The following ATE1 variants were observed in gnomAD, a reference collection of about 807,000 sequenced individuals.
ATE1 encodes the protein arginyl-tRNA--protein transferase 1.
ATE1 carries 36 observed loss-of-function variants against 70.5 expected under a neutral mutation model. The ratio of observed to expected loss-of-function variants is 0.51; its 90% confidence interval spans 0.39 to 0.67. ATE1 has a LOEUF of 0.67. Among genes scored for constraint, ATE1 ranks in the 30% least tolerant of loss-of-function variants. ATE1 has a pLI of 0.00. For synonymous variants in ATE1, 232 were observed against 219.3 expected (o/e 1.06, Z -0.51); for missense variants, 593 against 629.5 (o/e 0.94, Z 0.62).
intron 10 of ATE1, among the ~76,000 whole-genome samples, chr10:121,835,425 C>T (rs1264076218): frequency 7.2e-6 from 1 of 138,330 alleles, no homozygotes; most frequent in Admixed American, 8.4e-5. Context: ...TAATCATCCC[C>T]AAATGTAATT....
At chr10:121,761,023 C>A (rs1406467271) in intron 11 of ATE1, among the ~76,000 whole-genome samples, 1 of 152,122 alleles carries the variant, frequency 6.6e-6, no homozygotes, top group Non-Finnish European at 1.5e-5. Flanking sequence ...GCAGGGGAGG[C>A]GAGTTCTCAT....
rs370346982 is a variant in ATE1, at chr10:121,760,840, C to G, written c.1379-16982G>C. 2.6e-5 allele frequency among the ~76,000 whole-genome samples: 4 copies of G among 152,200 alleles called. No individual in the cohort carries two copies. The East Asian group carries it at 7.7e-4, about 29-fold the overall frequency. ...AATGGAAGAGTTAACTGATGCAGTA[C>G]AGTTCTTTGTTGTCTTATTTTAAGA... On this transcript the variant is annotated intron_variant, in intron 11 of 11. Transcript: ENST00000224652.
At chr10:121,792,253 G>A (rs1344984446) in intron 10 of ATE1, among the ~76,000 whole-genome samples, 2 of 152,190 alleles carry the variant, frequency 1.3e-5, no homozygotes, top group African/African-American at 2.4e-5. Context: ...AACAGGAAAT[G>A]GCAGGGCACC....
chr10:121,772,806 C>T (rs1909005), intron 11 of ATE1, among the ~76,000 whole-genome samples: 143,772 of 152,308 alleles, frequency 0.94, 68,083 homozygotes, highest in Non-Finnish European at 0.98. Flanking sequence ...AATTGCTTTG[C>T]CGCTATTTAA....
At chr10:121,773,628 CT>C (rs57993740) in intron 11 of ATE1, among the ~76,000 whole-genome samples, 14,201 of 151,484 alleles carry the variant, frequency 0.094, 815 homozygotes, top group South Asian at 0.18. Flanking sequence ...CATCCAGGGA[CT>C]TTTTTTTTAA....
rs1016165550 is a variant in ATE1 at position 121,741,494 on chromosome 10, AG to A, written c.*2185del. The A allele has an allele frequency of 9.9e-5, 15 of 152,224 alleles. No individual in the cohort carries two copies. Among genetic ancestry groups the A allele is most frequent in the Admixed American group, 6.5e-4 (10 of 15,290 alleles). 9.4% of individuals were successfully genotyped at this position (152,224 alleles called of 1,614,324 possible). ...ATTTTCCTCTGAAAATGAATTCTGCAGGAAGAAACCAGAGTTGTGGTAAGAT... is the reference window on the plus strand; with the variant it reads ...ATTTTCCTCTGAAAATGAATTCTGCAGAAGAAACCAGAGTTGTGGTAAGAT... On this transcript the variant is annotated 3_prime_UTR_variant, in exon 12 of 12. Coordinates refer to ENST00000224652, the MANE Select transcript of ATE1 (RefSeq NM_001001976.3).
chr10:121,858,338 C>T (rs921304497), intron 8 of ATE1, among the ~76,000 whole-genome samples: 2 of 151,940 alleles, frequency 1.3e-5, no homozygotes, highest in African/African-American at 2.4e-5. Context: ...CCAACAGTTA[C>T]CGTTTTCCAT....
At chr10:121,761,491 T>TG (rs1446341260) in intron 11 of ATE1, among the ~76,000 whole-genome samples, 1 of 152,178 alleles carries the variant, frequency 6.6e-6, no homozygotes, top group Admixed American at 6.5e-5. Context: ...ATAATGCTAT[T>TG]GTGCACTTAA....
At chr10:121,863,259 T>C (rs1949540081) in intron 8 of ATE1, among the ~76,000 whole-genome samples, 1 of 149,342 alleles carries the variant, frequency 6.7e-6, no homozygotes, top group Non-Finnish European at 1.5e-5. Context: ...CTACTTTTTT[T>C]TTTTTTTTTT....
intron 7 of ATE1, among the ~76,000 whole-genome samples, chr10:121,883,982 T>C (rs1950301065): frequency 6.6e-6 from 1 of 151,608 alleles, no homozygotes; most frequent in Non-Finnish European, 1.5e-5. Context: ...GGCGAGCACC[T>C]GTAATCCCAG....
chr10:121,773,450 C>T (rs10886979), intron 11 of ATE1, among the ~76,000 whole-genome samples: 38,306 of 152,076 alleles, frequency 0.25, 5,325 homozygotes, highest in Non-Finnish European at 0.32. Flanking sequence ...CATCTTGGGA[C>T]TCTCTCCTGT....
At chr10:121,799,439 A>C (rs1336082331) in intron 10 of ATE1, among the ~76,000 whole-genome samples, 1 of 149,054 alleles carries the variant, frequency 6.7e-6, no homozygotes, top group African/African-American at 2.4e-5. Flanking sequence ...GTTTAGGAAA[A>C]CAAAAAAAAA....
At chr10:121,911,270 C>A in intron 4 of ATE1, 119 bp from the exon 5 acceptor site, 1 of 1,231,238 alleles carries the variant, frequency 8.1e-7, no homozygotes, top group Admixed American at 2.5e-5. Context: ...TCCACCAAAT[C>A]CATTCTCATC....
intron 10 of ATE1, among the ~76,000 whole-genome samples, chr10:121,804,225 A>C (rs1337906902): frequency 6.6e-6 from 1 of 152,240 alleles, no homozygotes; most frequent in Non-Finnish European, 1.5e-5. Flanking sequence ...ATTGTGGAGA[A>C]AGTATTATGT....
At chr10:121,843,565 G>C (rs1258335646) in intron 8 of ATE1, among the ~76,000 whole-genome samples, 2 of 152,164 alleles carry the variant, frequency 1.3e-5, no homozygotes, top group Non-Finnish European at 2.9e-5. Flanking sequence ...AATCAAGATG[G>C]AGTGATATTG....
chr10:121,745,484 A>T (rs1944316859), intron 11 of ATE1, among the ~76,000 whole-genome samples: 1 of 152,114 alleles, frequency 6.6e-6, no homozygotes, highest in East Asian at 1.9e-4. Flanking sequence ...TGGGAGGCCA[A>T]GGTGGGCAAA....
chr10:121,892,498 AC>A (rs1950613047), intron 7 of ATE1, among the ~76,000 whole-genome samples: 1 of 130,984 alleles, frequency 7.6e-6, no homozygotes, highest in African/African-American at 2.8e-5. Flanking sequence ...CGGTGACAAA[AC>A]TTTTTTTTTT....
At chr10:121,757,606 A>C (rs1590219825) in intron 11 of ATE1, among the ~76,000 whole-genome samples, 1 of 152,378 alleles carries the variant, frequency 6.6e-6, no homozygotes, top group East Asian at 1.9e-4. Flanking sequence ...GTCACATCTT[A>C]CATGGATGAT....
chr10:121,916,790 G>A (rs761053912), intron 3 of ATE1, among the ~76,000 whole-genome samples: 3 of 151,066 alleles, frequency 2.0e-5, no homozygotes, highest in Admixed American at 1.3e-4. Context: ...AGCCAAGATC[G>A]CGCCACTGCA....
Sources: allele counts gnomAD v4.1 joint callset (sites outside exome capture counted in the v4.1 genomes callset), GRCh38; gene constraint gnomAD v4.1.1; transcripts MANE v1.5; gene names NCBI Gene and HGNC (gene_info 2026-07-23, HGNC 2026-07-21).